MACO1: variants seen among roughly 807,000 people sequenced by gnomAD.
The protein encoded by MACO1 is macoilin.
A neutral mutation model predicts 78.7 loss-of-function variants in MACO1; 14 were observed. The observed-to-expected ratio is 0.18, with a 90% CI of 0.12 to 0.28. The LOEUF (loss-of-function observed/expected upper bound fraction) is 0.28, where lower values mean the gene tolerates loss of function less well. Ranked by LOEUF, MACO1 falls within the 10% of genes least tolerant of loss-of-function variation. The pLI, the probability that MACO1 is intolerant of heterozygous loss-of-function variation, is 1.00. For missense variants in MACO1, 501 were observed against 799.0 expected (o/e 0.63, Z 4.50); for synonymous variants, 288 against 291.6 (o/e 0.99, Z 0.12).
intron 6 of MACO1, among the ~76,000 whole-genome samples, chr1:25,459,148 C>T (rs886126444): frequency 6.6e-6 from 1 of 152,204 alleles, no homozygotes; most frequent in African/African-American, 2.4e-5. Flanking sequence ...CTTGATTCTT[C>T]TAGTCGTGTT....
intron 1 of MACO1, among the ~76,000 whole-genome samples, chr1:25,445,605 T>C (rs2043009128): frequency 6.6e-6 from 1 of 152,026 alleles, no homozygotes; most frequent in South Asian, 2.1e-4. Flanking sequence ...TTTAAGTTCT[T>C]GCTTTTGTTT....
chr1:25,451,969 A>G (rs1167482723), intron 3 of MACO1, among the ~76,000 whole-genome samples: 1 of 152,076 alleles, frequency 6.6e-6, no homozygotes, highest in Non-Finnish European at 1.5e-5. Flanking sequence ...AAGAAAAGGA[A>G]AAAAAGTACC....
chr1:25,488,475 A>T (rs1007921977), intron 8 of MACO1, among the ~76,000 whole-genome samples: 2 of 152,142 alleles, frequency 1.3e-5, no homozygotes, highest in African/African-American at 4.8e-5. Context: ...ATCCCACAAT[A>T]CAAGTAAACC....
chr1:25,431,020 G>A lies in MACO1; in HGVS notation c.-79G>A. 1 of 1,134,566 alleles carries A rather than the reference G, an allele frequency of 8.8e-7. No individual in the cohort carries two copies. Among genetic ancestry groups the A allele is most frequent in the Non-Finnish European group, 1.2e-6 (1 of 845,890 alleles). The allele number at this position is 1,134,566 out of a possible 1,614,324, so 70.3% of individuals were successfully genotyped here. On this transcript the variant is annotated 5_prime_UTR_variant, in exon 1 of 11. Transcript: ENST00000374343. ...CTCAGGGGTAGAGTCCAGGCCCGAC[G>A]CGGGGCGGGCCAGCGGCGGCGGCAG... is the stretch of plus-strand genomic sequence containing the variant.
chr1:25,498,493 A>G lies in MACO1; in HGVS notation c.*27A>G. On this transcript the variant is annotated 3_prime_UTR_variant, in exon 11 of 11. Coordinates refer to ENST00000374343, the MANE Select transcript of MACO1 (RefSeq NM_018202.6). ...GGCCAGCTGTGTGTTGTGCCCAAAAATTTGGTTACCGGAAGGCATTGCAAA... is the reference window on the plus strand; with the variant it reads ...GGCCAGCTGTGTGTTGTGCCCAAAAGTTTGGTTACCGGAAGGCATTGCAAA... 6.4e-7 allele frequency: 1 copy of G among 1,564,386 alleles called. No homozygotes were observed. The highest frequency in any genetic ancestry group is 8.6e-7 in the Non-Finnish European group (1 of 1,159,814).
At chr1:25,477,492 C>T (rs992998674) in intron 6 of MACO1, among the ~76,000 whole-genome samples, 7 of 152,182 alleles carry the variant, frequency 4.6e-5, no homozygotes, top group African/African-American at 1.2e-4. Context: ...CTGTCACTTG[C>T]TCTTTAGAGT....
chr1:25,452,826 A>G (rs2043079324), intron 3 of MACO1, among the ~76,000 whole-genome samples: 1 of 150,808 alleles, frequency 6.6e-6, no homozygotes, highest in South Asian at 2.1e-4. Flanking sequence ...CCTCCCGAGT[A>G]ACTGGAATTA....
chr1:25,444,775 T>TG (rs1232803151), intron 1 of MACO1, among the ~76,000 whole-genome samples: 30 of 151,424 alleles, frequency 2.0e-4, no homozygotes, highest in African/African-American at 1.7e-4. Flanking sequence ...TTTGTACAGA[T>TG]GGGGTCTCAC....
chr1:25,462,338 G>T (rs570446099), intron 6 of MACO1, among the ~76,000 whole-genome samples: 2 of 152,092 alleles, frequency 1.3e-5, no homozygotes, highest in South Asian at 4.2e-4. Context: ...TTCATATGCA[G>T]GTTTGTTGCA....
chr1:25,474,639 G>C (rs1289600894), intron 6 of MACO1, among the ~76,000 whole-genome samples: 2 of 152,170 alleles, frequency 1.3e-5, no homozygotes, highest in East Asian at 3.8e-4. Flanking sequence ...TTGTGATAAG[G>C]GTGGTTTGGG....
At chr1:25,445,321 G>T (rs947365232) in intron 1 of MACO1, among the ~76,000 whole-genome samples, 59 of 151,182 alleles carry the variant, frequency 3.9e-4, no homozygotes, top group Non-Finnish European at 6.0e-4. Context: ...AAAAGATTGC[G>T]TTCTTTTGTG....
At position 25,484,222 on chromosome 1, in the gene MACO1, A is replaced by G. The variant is rs1324116970; in HGVS notation, c.1261A>G (p.Ile421Val). The change falls in exon 7 of 11, where the codon ATC becomes GTC. Residue 421 changes from isoleucine to valine, a missense_variant. By Grantham distance (29) the Ile-to-Val change is conservative. Coordinates refer to ENST00000374343, the MANE Select transcript of MACO1 (RefSeq NM_018202.6). The stretch of plus-strand genomic sequence containing the variant: ...CTCCCTTTCGAGCACCGAGCGAGGG[A>G]TCCGCTCAGAAATGGGCCAGCTTCG... ...ISSLSSTERG[I>V]RSEMGQLRQE... 1 of 1,613,922 alleles carries G rather than the reference A, an allele frequency of 6.2e-7. No individual in the cohort carries two copies. Among genetic ancestry groups the G allele is most frequent in the Admixed American group, 1.7e-5 (1 of 59,934 alleles).
chr1:25,467,736 T>C (rs1369815801), intron 6 of MACO1, among the ~76,000 whole-genome samples: 1 of 151,532 alleles, frequency 6.6e-6, no homozygotes, highest in African/African-American at 2.4e-5. Flanking sequence ...TGATGATTTT[T>C]TTTTTTTTTT....
At chr1:25,438,572 T>G (rs1172144458) in intron 1 of MACO1, among the ~76,000 whole-genome samples, 1 of 152,222 alleles carries the variant, frequency 6.6e-6, no homozygotes, top group Non-Finnish European at 1.5e-5. Context: ...TGGAACTCTA[T>G]GTTGCTGCTA....
chr1:25,495,804 A>G (rs866375677), intron 10 of MACO1, among the ~76,000 whole-genome samples: 2 of 152,314 alleles, frequency 1.3e-5, no homozygotes, highest in South Asian at 4.1e-4. Flanking sequence ...TCTACTAAAA[A>G]TACAAAAATT....
At chr1:25,437,298 C>CTTTTTTTTT (rs1173305681) in intron 1 of MACO1, among the ~76,000 whole-genome samples, 95 of 65,796 alleles carry the variant, frequency 1.4e-3, no homozygotes, top group Non-Finnish European at 1.9e-3. Flanking sequence ...CCATGCCTGG[C>CTTTTTTTTT]TTTTTTTTTT....
intron 4 of MACO1, among the ~76,000 whole-genome samples, chr1:25,455,744 G>T (rs1419092104): frequency 6.6e-6 from 1 of 152,078 alleles, no homozygotes; most frequent in Non-Finnish European, 1.5e-5. Context: ...AATGATTCTT[G>T]AATTTATGTA....
At chr1:25,463,707 A>T (rs34355819) in intron 6 of MACO1, among the ~76,000 whole-genome samples, 63,179 of 152,064 alleles carry the variant, frequency 0.42, 14,430 homozygotes, top group East Asian at 0.73. Context: ...TGTGAAAAAA[A>T]TCATTACAAT....
rs371497915 is a variant in MACO1 at position 25,480,930 on chromosome 1, ATATATATATATATATATATATAT to A, written c.1155-3185_1155-3163del. ...GACTTGGTTAAAAAAAAAAAAAAAAATATATATATATATATATATATATATATATATATATATATATATATTTC... is the reference window on the plus strand; with the variant it reads ...GACTTGGTTAAAAAAAAAAAAAAAAAATATATATATATATATATATATTTC... On this transcript the variant is annotated intron_variant, in intron 6 of 10. Coordinates refer to ENST00000374343, the MANE Select transcript of MACO1 (RefSeq NM_018202.6). 3.2e-3 allele frequency among the ~76,000 whole-genome samples: 242 copies of A among 75,288 alleles called. 21 individuals carry two copies. Among genetic ancestry groups the A allele is most frequent in the African/African-American group, 0.013 (206 of 16,298 alleles). The allele number at this position is 75,288 out of a possible 152,430, so 49.4% of individuals were successfully genotyped here.
Sources: gnomAD v4.1 joint callset for allele counts (sites outside exome capture counted in the v4.1 genomes callset) on GRCh38, gnomAD v4.1.1 for gene constraint, MANE v1.5 for transcripts, NCBI Gene and HGNC (gene_info 2026-07-23, HGNC 2026-07-21) for gene names.